NAALADL2: variants seen among roughly 807,000 people sequenced by gnomAD.
NAALADL2 encodes the protein N-acetylated alpha-linked acidic dipeptidase like 2.
A neutral mutation model predicts 87.2 loss-of-function variants in NAALADL2; 76 were observed. The ratio of observed to expected loss-of-function variants is 0.87; its 90% CI spans 0.72 to 1.05. The LOEUF is 1.05. Ranked by LOEUF, NAALADL2 falls within the 50% of genes least tolerant of loss-of-function variation. NAALADL2 has a pLI of 0.00. For missense variants in NAALADL2, 1,089 were observed against 945.8 expected (o/e 1.15, Z -1.99); for synonymous variants, 354 against 331.0 (o/e 1.07, Z -0.75).
At chr3:175,244,621 T>A (rs1747606974) in intron 3 of NAALADL2, among the ~76,000 whole-genome samples, 1 of 152,204 alleles carries the variant, frequency 6.6e-6, no homozygotes, top group South Asian at 2.1e-4. Context: ...ATTTCAAAAT[T>A]TACTAGTCAT....
In NAALADL2 at chr3:175,152,388, G is replaced by T. The variant is rs766689435; in HGVS notation, c.545+55097G>T. Among the ~76,000 whole-genome samples, 7 of 151,978 alleles carry T rather than the reference G, an allele frequency of 4.6e-5. No homozygotes were observed. The East Asian group carries it at 9.7e-4, about 21-fold the overall frequency. ...GTGAATAAAAAGTTAGACAACTTTT[G>T]ATTGTTTCCTTCTGCTATGGTCCAT... On this transcript the variant is annotated intron_variant, in intron 2 of 13. Transcript: ENST00000454872.
chr3:175,181,345 G>A (rs1736432920), intron 2 of NAALADL2, among the ~76,000 whole-genome samples: 1 of 151,764 alleles, frequency 6.6e-6, no homozygotes, highest in Admixed American at 6.6e-5. Flanking sequence ...TATGATACAT[G>A]GATACATGTA....
intron 1 of NAALADL2, among the ~76,000 whole-genome samples, chr3:175,053,509 T>A (rs1755685696): frequency 6.6e-6 from 1 of 152,222 alleles, no homozygotes; most frequent in Admixed American, 6.5e-5. Flanking sequence ...CCTCCTGGAA[T>A]GTCTGCCTCA....
At chr3:175,369,164 A>G (rs1244451984) in intron 5 of NAALADL2, among the ~76,000 whole-genome samples, 1 of 152,146 alleles carries the variant, frequency 6.6e-6, no homozygotes, top group East Asian at 1.9e-4. Flanking sequence ...AACCACCCTC[A>G]TGTATGTGAT....
chr3:174,972,442 T>C (rs1743814762), intron 1 of NAALADL2, among the ~76,000 whole-genome samples: 1 of 152,174 alleles, frequency 6.6e-6, no homozygotes, highest in South Asian at 2.1e-4. Flanking sequence ...CTTCCTCGGC[T>C]TACAGATGAC....
chr3:175,608,864 A>T (rs147067583), intron 10 of NAALADL2, among the ~76,000 whole-genome samples: 5 of 152,224 alleles, frequency 3.3e-5, no homozygotes, highest in African/African-American at 1.2e-4. Context: ...CTTACCTTTT[A>T]TTTATATAAT....
At chr3:175,074,812 CA>C (rs968280032) in intron 1 of NAALADL2, among the ~76,000 whole-genome samples, 13 of 151,494 alleles carry the variant, frequency 8.6e-5, no homozygotes, top group Non-Finnish European at 1.3e-4. Flanking sequence ...GGATGAGTAC[CA>C]GGGGTGAATG....
At chr3:175,710,443 G>A (rs1382481159) in intron 11 of NAALADL2, among the ~76,000 whole-genome samples, 2 of 151,658 alleles carry the variant, frequency 1.3e-5, no homozygotes, top group South Asian at 2.1e-4. Context: ...AATTAATAGC[G>A]GTATTTAATC....
chr3:175,004,216 ATAAG>A (rs968386681), intron 1 of NAALADL2, among the ~76,000 whole-genome samples: 33 of 152,018 alleles, frequency 2.2e-4, no homozygotes, highest in African/African-American at 4.3e-4. Flanking sequence ...TCTATTAAAA[ATAAG>A]TAAGTAAGTA....
intron 5 of NAALADL2, among the ~76,000 whole-genome samples, chr3:175,435,237 A>G (rs1485531298): frequency 6.6e-6 from 1 of 152,016 alleles, no homozygotes; most frequent in Non-Finnish European, 1.5e-5. Context: ...TCAGGTTACA[A>G]AATGTCTTTA....
chr3:174,871,587 A>T (rs953956122), intron 1 of NAALADL2, among the ~76,000 whole-genome samples: 8 of 152,192 alleles, frequency 5.3e-5, no homozygotes, highest in African/African-American at 1.9e-4. Flanking sequence ...CACTAGAAAC[A>T]TACATCTGAG....
At chr3:175,262,999 C>CAAAAAAAAAAA (rs71626206) in intron 4 of NAALADL2, among the ~76,000 whole-genome samples, 1 of 128,930 alleles carries the variant, frequency 7.8e-6, no homozygotes, top group Non-Finnish European at 1.7e-5. Context: ...GAAGTAATTG[C>CAAAAAAAAAAA]AAAAAAAAAA....
At chr3:175,080,212 A>G (rs144911179) in intron 1 of NAALADL2, among the ~76,000 whole-genome samples, 7,632 of 152,098 alleles carry the variant, frequency 0.05, 633 homozygotes, top group African/African-American at 0.17. Flanking sequence ...TGATCCACGC[A>G]CCTCGGCCTC....
intron 6 of NAALADL2, among the ~76,000 whole-genome samples, chr3:175,451,428 C>T (rs906839846): frequency 5.9e-5 from 9 of 152,216 alleles, no homozygotes; most frequent in Non-Finnish European, 1.3e-4. Flanking sequence ...GACTCCATTT[C>T]ATTTTGAATG....
chr3:174,826,422 A>G (rs1231918066), intron 3 of NAALADL2, among the ~76,000 whole-genome samples: 1 of 152,214 alleles, frequency 6.6e-6, no homozygotes, highest in Non-Finnish European at 1.5e-5. Context: ...TAGTAACAGA[A>G]CAGGGATTAT....
chr3:175,301,211 T>A (rs2110221212), intron 4 of NAALADL2, among the ~76,000 whole-genome samples: 1 of 152,316 alleles, frequency 6.6e-6, no homozygotes, highest in East Asian at 1.9e-4. Flanking sequence ...GGGCATTTAG[T>A]GCTATAAATC....
At chr3:175,138,027 T>C (rs1377256723) in intron 2 of NAALADL2, among the ~76,000 whole-genome samples, 1 of 152,176 alleles carries the variant, frequency 6.6e-6, no homozygotes, top group Admixed American at 6.5e-5. Context: ...TAGAAAATAA[T>C]TTTTCTCTCT....
At chr3:174,999,946 G>A (rs968348333) in intron 1 of NAALADL2, among the ~76,000 whole-genome samples, 1 of 151,676 alleles carries the variant, frequency 6.6e-6, no homozygotes, top group Admixed American at 6.6e-5. Flanking sequence ...ACCTTTTCTT[G>A]GTGTGCCAGA....
chr3:174,557,116 T>A (rs1403499309), intron 2 of NAALADL2, among the ~76,000 whole-genome samples: 1 of 152,164 alleles, frequency 6.6e-6, no homozygotes, highest in East Asian at 1.9e-4. Context: ...CATTTAAAGC[T>A]GTGTATTTTT....
Sources: allele counts gnomAD v4.1 joint callset (sites outside exome capture counted in the v4.1 genomes callset), GRCh38; gene constraint gnomAD v4.1.1; transcripts MANE v1.5; gene names NCBI Gene and HGNC (gene_info 2026-07-23, HGNC 2026-07-21).